ATG13: variants seen among roughly 807,000 people sequenced by gnomAD.
ATG13 encodes autophagy related 13.
In ATG13, 23 loss-of-function variants were observed where a neutral mutation model predicts 65.5. The ratio of observed to expected loss-of-function variants is 0.35; its 90% CI spans 0.25 to 0.50. The LOEUF is 0.50. ATG13 is among the 20% of genes least tolerant of loss of function. ATG13 has a pLI of 0.98. For synonymous variants in ATG13, 252 were observed against 245.2 expected, an observed-to-expected ratio of 1.03 and a Z score of -0.26; for missense variants, 566 against 677.0, an observed-to-expected ratio of 0.84 and a Z score of 1.82.
intron 7 of ATG13, among the ~76,000 whole-genome samples, chr11:46,650,916 CTT>C (rs892941329): frequency 1.3e-5 from 2 of 152,104 alleles, no homozygotes; most frequent in Non-Finnish European, 2.9e-5. Context: ...GAAGTCAAGA[CTT>C]TGAAAAACAG....
At chr11:46,626,839 T>G (rs2049841958) in intron 1 of ATG13, among the ~76,000 whole-genome samples, 1 of 152,228 alleles carries the variant, frequency 6.6e-6, no homozygotes, top group Admixed American at 6.5e-5. Flanking sequence ...CCCATCTTCA[T>G]TTATTGCACA....
chr11:46,617,619 G>A lies in ATG13; in HGVS notation c.-341G>A, dbSNP rs2045718497. The A allele has an allele frequency of 5.2e-6, 2 of 384,860 alleles. No homozygotes were observed. The highest frequency in any genetic ancestry group is 3.7e-5 in the East Asian group (1 of 27,234). The allele number at this position is 384,860 out of a possible 1,614,324, so 23.8% of individuals were successfully genotyped here. On this transcript the variant is annotated 5_prime_UTR_variant, in exon 1 of 19. Transcript: ENST00000683050. ...GGCGCCGGGAAGCGACCGGCTGCTG[G>A]GCTTAAGGCGGGAGTGACCGCTTAA...
At chr11:46,654,739 C>T (rs1205686962) in intron 7 of ATG13, among the ~76,000 whole-genome samples, 1 of 151,334 alleles carries the variant, frequency 6.6e-6, no homozygotes, top group African/African-American at 2.4e-5. Flanking sequence ...ACAGTTGAGG[C>T]CAGGAGTTTG....
At chr11:46,619,553 T>G (rs1160605544) in intron 1 of ATG13, among the ~76,000 whole-genome samples, 1 of 151,660 alleles carries the variant, frequency 6.6e-6, no homozygotes, top group Non-Finnish European at 1.5e-5. Context: ...CCCAGCTAAT[T>G]TTGTATTTTT....
intron 5 of ATG13, among the ~76,000 whole-genome samples, chr11:46,647,519 C>T (rs1020854373): frequency 2.6e-5 from 4 of 151,900 alleles, no homozygotes; most frequent in African/African-American, 7.3e-5. Flanking sequence ...TTCAGGTGAT[C>T]CACCTGCGTG....
chr11:46,645,781 G>A (rs1417857379), intron 4 of ATG13, 89 bp from the exon 5 acceptor site: 11 of 1,537,060 alleles, frequency 7.2e-6, no homozygotes, highest in Non-Finnish European at 9.8e-6. Flanking sequence ...ATCAGCCACA[G>A]CAATACTTGC....
At chr11:46,627,107 G>T (rs986300223) in intron 1 of ATG13, among the ~76,000 whole-genome samples, 1 of 152,132 alleles carries the variant, frequency 6.6e-6, no homozygotes, top group African/African-American at 2.4e-5. Context: ...CGGGCCGGGC[G>T]TGATGGCTCA....
rs538969705 is a variant in ATG13, at chr11:46,639,056, C to T, written c.-13-5223C>T. On this transcript the variant is annotated intron_variant, in intron 2 of 18. Transcript: ENST00000683050. ...TGGCTGGAGTGTAGTGGTGCAATCT[C>T]GGCTCACTGCAACCTCTGCCTCCCG... Among the ~76,000 whole-genome samples, 7 of 151,864 alleles carry T rather than the reference C, an allele frequency of 4.6e-5. No homozygotes were observed. The South Asian group carries it at 8.3e-4, about 18-fold the overall frequency.
At chr11:46,622,311 G>T (rs1335568510) in intron 1 of ATG13, among the ~76,000 whole-genome samples, 2 of 151,286 alleles carry the variant, frequency 1.3e-5, no homozygotes, top group Non-Finnish European at 2.9e-5. Context: ...TAGAGACGGG[G>T]TTTCACCATG....
intron 3 of ATG13, among the ~76,000 whole-genome samples, 153 bp downstream of exon 3, chr11:46,644,513 T>C (rs766919896): frequency 2.6e-5 from 4 of 151,816 alleles, no homozygotes; most frequent in Non-Finnish European, 4.4e-5. Flanking sequence ...AACTGTGAGG[T>C]ATGGGGGCGG....
chr11:46,664,306 G>A (rs2061809997), intron 12 of ATG13, among the ~76,000 whole-genome samples: 1 of 152,070 alleles, frequency 6.6e-6, no homozygotes, highest in African/African-American at 2.4e-5. Context: ...CCATTGATGT[G>A]AAAAATACAT....
At position 46,622,117 on chromosome 11, in the gene ATG13, ATATATATATATT is replaced by A. The variant is rs1316784312; in HGVS notation, c.-70+4231_-70+4242del. The stretch of plus-strand genomic sequence containing the variant: ...TATATATATATATATATATATATAT[ATATATATATATT>A]TATTTTAGAGATGGTATTTGCCCTG... On this transcript the variant is annotated intron_variant, in intron 1 of 18. Transcript: ENST00000683050. Among the ~76,000 whole-genome samples, 18 of 82,092 alleles carry A rather than the reference ATATATATATATT, an allele frequency of 2.2e-4. No homozygotes were observed. The East Asian group carries it at 6.3e-3, about 29-fold the overall frequency. The allele number at this position is 82,092 out of a possible 152,430, so 53.9% of individuals were successfully genotyped here.
intron 11 of ATG13, among the ~76,000 whole-genome samples, chr11:46,661,753 C>G (rs1244113741): frequency 6.6e-6 from 1 of 152,026 alleles, no homozygotes; most frequent in Non-Finnish European, 1.5e-5. Flanking sequence ...ATCGCCTGAG[C>G]CTGGGAGGTT....
intron 2 of ATG13, among the ~76,000 whole-genome samples, chr11:46,641,879 A>G (rs746388685): frequency 2.3e-4 from 35 of 151,278 alleles, no homozygotes; most frequent in Non-Finnish European, 3.2e-4. Flanking sequence ...GGCTCAGGCC[A>G]TTCTCCCACC....
rs1490654094 is a variant in ATG13, at chr11:46,669,387, C to CT, written c.1447-16dup. On this transcript the variant is annotated splice_polypyrimidine_tract_variant and intron_variant, in intron 17 of 18. Coordinates refer to ENST00000683050, the MANE Select transcript of ATG13 (RefSeq NM_001346311.2). ...TGGTTCAAGGCAAGCTAAACTGACT[C>CT]TGTCTTGTTTTTGAAGAAACCAGCT... 1 of 1,613,640 alleles carries CT rather than the reference C, an allele frequency of 6.2e-7. No individual in the cohort carries two copies. Among genetic ancestry groups the CT allele is most frequent in the Admixed American group, 1.7e-5 (1 of 60,002 alleles).
chr11:46,650,936 T>C (rs1439020113), intron 7 of ATG13, among the ~76,000 whole-genome samples: 1 of 152,194 alleles, frequency 6.6e-6, no homozygotes, highest in East Asian at 1.9e-4. Flanking sequence ...CAGTCTATAC[T>C]GGGAAGATTC....
chr11:46,662,038 T>C (rs893485679), intron 11 of ATG13, among the ~76,000 whole-genome samples: 1 of 152,140 alleles, frequency 6.6e-6, no homozygotes, highest in African/African-American at 2.4e-5. Context: ...CATGAACATA[T>C]GTAGGCATGA....
intron 18 of ATG13, 51 bp downstream of exon 18, chr11:46,669,583 C>A (rs1271775384): frequency 5.6e-6 from 9 of 1,602,672 alleles, no homozygotes; most frequent in Non-Finnish European, 7.7e-6. Context: ...GATGGTCATT[C>A]CTTTGCCAAA....
intron 7 of ATG13, among the ~76,000 whole-genome samples, chr11:46,651,174 GT>G (rs934366937): frequency 3.3e-5 from 5 of 152,272 alleles, no homozygotes; most frequent in Admixed American, 2.6e-4. Flanking sequence ...GTTTAATGTA[GT>G]GAGGAAAACA....
Sources: allele counts gnomAD v4.1 joint callset (sites outside exome capture counted in the v4.1 genomes callset), GRCh38; gene constraint gnomAD v4.1.1; transcripts MANE v1.5; gene names NCBI Gene and HGNC (gene_info 2026-07-23, HGNC 2026-07-21).